The following SCAP variants were observed in gnomAD, a reference collection of about 807,000 sequenced individuals.
The protein encoded by SCAP is sterol regulatory element-binding protein cleavage-activating protein.
Under a neutral mutation model 123.6 loss-of-function variants are expected in SCAP, and 65 were observed. That is an observed-to-expected ratio of 0.53 (90% CI 0.43 to 0.65). SCAP has a LOEUF of 0.65. SCAP is among the 30% of genes least tolerant of loss of function. SCAP has a pLI of 0.00. For missense variants in SCAP, 1,398 were observed against 1,712.5 expected (o/e 0.82, Z 3.24); for synonymous variants, 740 against 726.3 (o/e 1.02, Z -0.30).
intron 3 of SCAP, chr3:47,434,749 A>T (rs756578226): frequency 1.1e-4 from 37 of 337,926 alleles, no homozygotes; most frequent in Middle Eastern, 9.1e-4. Context: ...AGGCAGGAGA[A>T]TCACTTGAAC....
intron 1 of SCAP, 196 bp from the exon 2 acceptor site, chr3:47,443,287 C>A (rs1706887717): frequency 5.1e-6 from 1 of 194,766 alleles, no homozygotes; most frequent in Non-Finnish European, 1.1e-5. Context: ...CTCTCTCTCT[C>A]TCTCTCTCTC....
At chr3:47,440,351 G>A (rs1237512152) in intron 2 of SCAP, among the ~76,000 whole-genome samples, 1 of 152,166 alleles carries the variant, frequency 6.6e-6, no homozygotes, top group South Asian at 2.1e-4. Flanking sequence ...GGTGAGGCTT[G>A]TGTCCCTGGG....
At chr3:47,451,252 A>G (rs1359871884) in intron 1 of SCAP, among the ~76,000 whole-genome samples, 1 of 124,222 alleles carries the variant, frequency 8.1e-6, no homozygotes, top group Non-Finnish European at 1.8e-5. Flanking sequence ...AAACAAAGCC[A>G]TGTAACCTAA....
chr3:47,469,954 A>G, intron 1 of SCAP: 1 of 379,604 alleles, frequency 2.6e-6, no homozygotes. Flanking sequence ...GTGAAGAGAG[A>G]AGCGGTTTTG....
chr3:47,465,930 C>A (rs191685713), intron 1 of SCAP, among the ~76,000 whole-genome samples: 82 of 151,358 alleles, frequency 5.4e-4, no homozygotes, highest in African/African-American at 1.9e-3. Flanking sequence ...GTCAAGAGAT[C>A]GAGACCATCT....
intron 1 of SCAP, among the ~76,000 whole-genome samples, chr3:47,466,302 T>C (rs1299864019): frequency 1.3e-5 from 2 of 152,054 alleles, no homozygotes; most frequent in Non-Finnish European, 2.9e-5. Context: ...AGCAGAACAA[T>C]GTGGTACTGG....
At chr3:47,421,266 G>A (rs1361593859) in intron 10 of SCAP, 2 of 539,162 alleles carry the variant, frequency 3.7e-6, no homozygotes, top group East Asian at 6.5e-5. Context: ...GAAAGGGAAG[G>A]GGAAGTACCT....
chr3:47,476,036 T>C (rs909232300), upstream of SCAP: 4 of 151,606 alleles, frequency 2.6e-5, no homozygotes, highest in African/African-American at 9.7e-5. Flanking sequence ...CGAACCACAT[T>C]CGCGTCTCCC....
At chr3:47,459,928 C>A (rs1183210490) in intron 1 of SCAP, among the ~76,000 whole-genome samples, 1 of 152,170 alleles carries the variant, frequency 6.6e-6, no homozygotes, top group African/African-American at 2.4e-5. Context: ...AAGACAGACA[C>A]TCCCAGAGCG....
chr3:47,421,295 C>A, intron 10 of SCAP: 1 of 440,600 alleles, frequency 2.3e-6, no homozygotes, highest in Non-Finnish European at 4.2e-6. Context: ...TCTTCCGGTC[C>A]CTCTAGAGGG....
At chr3:47,461,045 C>T (rs1707621050) in intron 1 of SCAP, among the ~76,000 whole-genome samples, 1 of 152,146 alleles carries the variant, frequency 6.6e-6, no homozygotes, top group African/African-American at 2.4e-5. Flanking sequence ...CGGCCCCTTC[C>T]ACCACCTTAT....
At chr3:47,458,811 A>G (rs1413507739) in intron 1 of SCAP, among the ~76,000 whole-genome samples, 1 of 152,166 alleles carries the variant, frequency 6.6e-6, no homozygotes, top group African/African-American at 2.4e-5. Flanking sequence ...ATTTTTATTT[A>G]TTTCTTTATT....
chr3:47,414,061 G>A lies in SCAP; in HGVS notation c.3633C>T (p.Asp1211=), dbSNP rs747999475. 136 of 1,613,318 alleles carry A rather than the reference G, an allele frequency of 8.4e-5. No homozygotes were observed. The highest frequency in any genetic ancestry group is 1.1e-4 in the Non-Finnish European group (124 of 1,180,042). The change falls in exon 23 of 23, where the codon GAC becomes GAT. Residue 1211 remains aspartate (D), a synonymous_variant. Transcript: ENST00000265565. ...GCGASLGVIS[D]NLLVTGGQGC... ...CCTGGCCGCCAGTCACCAGCAGGTT[G>A]TCTGAGATGACACCCAAGCTTGCAC...
At chr3:47,434,975 T>A in intron 3 of SCAP, 33 bp downstream of exon 3, 1 of 1,613,970 alleles carries the variant, frequency 6.2e-7, no homozygotes, top group Non-Finnish European at 8.5e-7. Flanking sequence ...CCCAACGCTC[T>A]GTGCTGGCCT....
rs1188038677 is a variant in SCAP at position 47,439,364 on chromosome 3, G to C, written c.122+3508C>G. Among the ~76,000 whole-genome samples the C allele has an allele frequency of 1.3e-5, 2 of 152,022 alleles. No homozygotes were observed. On this transcript the variant is annotated intron_variant, in intron 2 of 22. Coordinates refer to ENST00000265565, the MANE Select transcript of SCAP (RefSeq NM_012235.4). This position sits in a 1 kb window ranked among gnomAD's most constrained non-coding sequence, Gnocchi z 4.0. ...GCAGAGGTTGCAGTAAGCCATGATT[G>C]TGCCATTGCACTCCAGCCTGGGCGA...
In SCAP at chr3:47,420,700, G is replaced by A. The variant is rs748019207; in HGVS notation, c.1417C>T (p.Arg473Cys). The A allele has an allele frequency of 9.3e-6, 15 of 1,611,684 alleles. No homozygotes were observed. Among genetic ancestry groups the A allele is most frequent in the Admixed American group, 1.7e-5 (1 of 60,012 alleles). Residue 473 changes from arginine to cysteine, a missense_variant, in exon 12 of 23, where the codon CGC becomes TGC. By Grantham distance (180) the Arg-to-Cys change is radical. Transcript: ENST00000265565. This position sits in a 1 kb window ranked among gnomAD's most constrained non-coding sequence, Gnocchi z 5.0. ...CTCACAGCCAGCTGCCGCTCGTAGC[G>A]CGTTGGCTGTCCCACTGGCTTGGCT... is the stretch of plus-strand genomic sequence containing the variant. ...PSAKPVGQPT[R>C]YERQLAVRPS...
intron 2 of SCAP, among the ~76,000 whole-genome samples, chr3:47,436,620 C>G (rs1706589094): frequency 6.6e-6 from 1 of 151,896 alleles, no homozygotes; most frequent in Admixed American, 6.6e-5. Context: ...CACAGTGAGA[C>G]CCCATCTCAA....
intron 8 of SCAP, 192 bp downstream of exon 8, chr3:47,425,293 G>A (rs901010889): frequency 4.8e-6 from 3 of 630,890 alleles, no homozygotes; most frequent in Non-Finnish European, 5.3e-6. Context: ...AGCTAGATAT[G>A]CTATATACAA....
Position 47,418,307 on chromosome 3 carries a change from G to A in SCAP, c.2331+14C>T. 1 of 1,556,006 alleles carries A rather than the reference G, an allele frequency of 6.4e-7. No homozygotes were observed. Among genetic ancestry groups the A allele is most frequent in the African/African-American group, 1.4e-5 (1 of 73,334 alleles). ...TCCGGCCCTCCCCTACCCGGCCACT[G>A]TGCCCCTGCTCACCATGAGGTGGCC... On this transcript the variant is annotated intron_variant, in intron 15 of 22. Coordinates refer to ENST00000265565, the MANE Select transcript of SCAP (RefSeq NM_012235.4).
Sources: gnomAD v4.1 joint callset for allele counts (sites outside exome capture counted in the v4.1 genomes callset) on GRCh38, gnomAD v4.1.1 for gene constraint, Gnocchi (gnomAD v3.1) non-coding constraint, MANE v1.5 for transcripts, NCBI Gene and HGNC (gene_info 2026-07-23, HGNC 2026-07-21) for gene names.